Variants in TMC1 observed in about 807,000 individuals in gnomAD.
The protein encoded by TMC1 is transmembrane channel like 1, also known as transmembrane channel-like protein 1.
In TMC1, 84 loss-of-function variants were observed where a neutral mutation model predicts 105.8. The observed-to-expected ratio is 0.79, with a 90% CI of 0.67 to 0.95. The LOEUF is 0.95. Ranked by LOEUF, TMC1 falls within the 40% of genes least tolerant of loss-of-function variation. The pLI, the probability that TMC1 is intolerant of heterozygous loss-of-function variation, is 0.00. For synonymous variants in TMC1, 315 were observed against 311.5 expected (o/e 1.01, Z -0.12); for missense variants, 817 against 914.1 (o/e 0.89, Z 1.37).
chr9:72,831,375 G>A (rs928749286), intron 23 of TMC1, among the ~76,000 whole-genome samples: 19 of 151,860 alleles, frequency 1.3e-4, no homozygotes, highest in Non-Finnish European at 2.1e-4. Flanking sequence ...TAATTTATTC[G>A]ACCACACAAA....
At chr9:72,526,217 C>G (rs989648341) in intron 1 of TMC1, among the ~76,000 whole-genome samples, 1 of 150,646 alleles carries the variant, frequency 6.6e-6, no homozygotes, top group Non-Finnish European at 1.5e-5. Flanking sequence ...TTGTCTGGGG[C>G]TCTCACTTTA....
intron 21 of TMC1, 98 bp from the exon 22 acceptor site, chr9:72,830,353 C>A: frequency 1.2e-6 from 1 of 852,282 alleles, no homozygotes; most frequent in Non-Finnish European, 2.0e-6. Context: ...ATGTTCATTC[C>A]CATGCTGATA....
At chr9:72,744,891 G>A (rs1354612936) in intron 10 of TMC1, among the ~76,000 whole-genome samples, 2 of 152,102 alleles carry the variant, frequency 1.3e-5, no homozygotes, top group East Asian at 3.8e-4. Context: ...TTACACATAT[G>A]ACCACCATCC....
At chr9:72,626,660 A>G (rs981702243) in intron 3 of TMC1, among the ~76,000 whole-genome samples, 1 of 152,190 alleles carries the variant, frequency 6.6e-6, no homozygotes, top group Non-Finnish European at 1.5e-5. Context: ...GTTAAATGCT[A>G]TGGAGAGAGA....
intron 8 of TMC1, among the ~76,000 whole-genome samples, chr9:72,714,774 T>G (rs1826891547): frequency 6.6e-6 from 1 of 152,226 alleles, no homozygotes; most frequent in African/African-American, 2.4e-5. Context: ...CATTTAAGGT[T>G]AATATTGTTA....
Position 72,582,267 on chromosome 9 carries a change from T to A in TMC1, c.-306+4244T>A, listed in dbSNP as rs1470255175. ...CCACTGTGCTCAGCCGATAGCATCTTAACAATAAACATGCAAAGATTTGTA... is the reference window on the plus strand; with the variant it reads ...CCACTGTGCTCAGCCGATAGCATCTAAACAATAAACATGCAAAGATTTGTA... On this transcript the variant is annotated intron_variant, in intron 2 of 23. Coordinates refer to ENST00000297784, the MANE Select transcript of TMC1 (RefSeq NM_138691.3). Among the ~76,000 whole-genome samples, 3 of 152,200 alleles carry A rather than the reference T, an allele frequency of 2.0e-5. No homozygotes were observed. The East Asian group carries it at 5.8e-4, about 29-fold the overall frequency.
intron 18 of TMC1, among the ~76,000 whole-genome samples, chr9:72,815,098 C>G (rs1828763291): frequency 6.6e-6 from 1 of 152,034 alleles, no homozygotes; most frequent in Non-Finnish European, 1.5e-5. Flanking sequence ...TTCTTATTCC[C>G]TTATTACCAG....
intron 5 of TMC1, among the ~76,000 whole-genome samples, chr9:72,653,307 A>G (rs111496159): frequency 2.5e-3 from 386 of 152,302 alleles, no homozygotes; most frequent in African/African-American, 8.8e-3. Flanking sequence ...GAGCCTATGA[A>G]AATTAGGAAC....
At chr9:72,595,619 G>T (rs545585820) in intron 2 of TMC1, among the ~76,000 whole-genome samples, 1 of 150,860 alleles carries the variant, frequency 6.6e-6, no homozygotes, top group East Asian at 2.0e-4. Flanking sequence ...TCTGTCACAG[G>T]TTTTACATCA....
chr9:72,576,420 A>G (rs915233076), intron 1 of TMC1, among the ~76,000 whole-genome samples: 4 of 146,640 alleles, frequency 2.7e-5, no homozygotes, highest in African/African-American at 7.6e-5. Context: ...TCTCTTCTCT[A>G]TCTTCTCGAA....
intron 4 of TMC1, among the ~76,000 whole-genome samples, chr9:72,641,843 A>G (rs1403436994): frequency 7.9e-6 from 1 of 127,046 alleles, no homozygotes; most frequent in East Asian, 2.3e-4. Context: ...TTTGAGAGAC[A>G]GTCTCGCTCT....
chr9:72,596,571 A>G (rs923226803), intron 2 of TMC1, among the ~76,000 whole-genome samples: 8 of 151,450 alleles, frequency 5.3e-5, no homozygotes, highest in Non-Finnish European at 7.4e-5. Flanking sequence ...AGACAGAAAT[A>G]GAAAAAGAAC....
chr9:72,743,595 A>G (rs1252476269), intron 10 of TMC1, among the ~76,000 whole-genome samples: 1 of 150,386 alleles, frequency 6.6e-6, no homozygotes. Context: ...AGAAAGAAAG[A>G]AAAAAAACGA....
chr9:72,522,681 ATTAG>A (rs1823333290), intron 1 of TMC1, among the ~76,000 whole-genome samples: 1 of 152,234 alleles, frequency 6.6e-6, no homozygotes, highest in African/African-American at 2.4e-5. Context: ...CATATTGCTT[ATTAG>A]TTATAACATA....
chr9:72,539,505 G>A (rs1205712639), intron 1 of TMC1, among the ~76,000 whole-genome samples: 2 of 125,592 alleles, frequency 1.6e-5, no homozygotes, highest in East Asian at 4.7e-4. Context: ...ACACAACACA[G>A]CCAAGTTTTT....
chr9:72,789,286 C>T lies in TMC1; in HGVS notation c.1193C>T (p.Pro398Leu). ...TCCCAGGAATTTGCACAGCAAGATC[C>T]TGACACCCTTGGGTGGTGGGAAAAA... ...KRSQEFAQQD[P>L]DTLGWWEKNE... Residue 398 changes from proline (P) to leucine (L), a missense_variant, in exon 15 of 24, where the codon CCT becomes CTT. Coordinates refer to ENST00000297784, the MANE Select transcript of TMC1 (RefSeq NM_138691.3). 6.2e-7 allele frequency: 1 copy of T among 1,614,040 alleles called. No homozygotes were observed. Among genetic ancestry groups the T allele is most frequent in the Non-Finnish European group, 8.5e-7 (1 of 1,179,924 alleles).
At chr9:72,557,864 T>A (rs1823969811) in intron 1 of TMC1, among the ~76,000 whole-genome samples, 1 of 152,220 alleles carries the variant, frequency 6.6e-6, no homozygotes, top group Admixed American at 6.5e-5. Context: ...CTCATTGATT[T>A]GTATTGTCAT....
intron 1 of TMC1, among the ~76,000 whole-genome samples, chr9:72,560,520 G>A (rs749683874): frequency 5.9e-5 from 9 of 151,530 alleles, no homozygotes; most frequent in Non-Finnish European, 8.8e-5. Context: ...TTTTTTTGAG[G>A]CCAAGTCTCT....
chr9:72,722,435 G>A (rs543033099), intron 8 of TMC1, among the ~76,000 whole-genome samples: 24 of 152,068 alleles, frequency 1.6e-4, no homozygotes, highest in African/African-American at 2.7e-4. Context: ...TTTATCTCCC[G>A]TTTGAGCCTC....
Sources: gnomAD v4.1 joint callset for allele counts (sites outside exome capture counted in the v4.1 genomes callset) on GRCh38, gnomAD v4.1.1 for gene constraint, MANE v1.5 for transcripts, NCBI Gene and HGNC (gene_info 2026-07-23, HGNC 2026-07-21) for gene names.